Variants in PDE5A observed in about 807,000 individuals in gnomAD.
The protein encoded by PDE5A is phosphodiesterase 5A.
PDE5A carries 67 observed loss-of-function variants against 110.2 expected under a neutral mutation model. The ratio of observed to expected loss-of-function variants is 0.61; its 90% CI spans 0.50 to 0.75. The LOEUF is 0.75. Among genes scored for constraint, PDE5A ranks in the 30% least tolerant of loss-of-function variants. The pLI is 0.00. For synonymous variants in PDE5A, 328 were observed against 351.2 expected (o/e 0.93, Z 0.74); for missense variants, 862 against 1,045.1 (o/e 0.82, Z 2.42).
intron 3 of PDE5A, among the ~76,000 whole-genome samples, chr4:119,569,492 T>C (rs915809773): frequency 6.7e-6 from 1 of 149,644 alleles, no homozygotes; most frequent in East Asian, 2.0e-4. Flanking sequence ...TTTGTACCAA[T>C]AAATAAAGAA....
chr4:119,585,076 C>A (rs972321431), intron 3 of PDE5A, among the ~76,000 whole-genome samples: 4 of 152,106 alleles, frequency 2.6e-5, no homozygotes, highest in African/African-American at 4.8e-5. Context: ...GAGTTTGAGA[C>A]CTGCCTGGCC....
At chr4:119,504,750 G>C (rs1277282559) in intron 17 of PDE5A, 151 bp from the exon 18 acceptor site, 1 of 530,346 alleles carries the variant, frequency 1.9e-6, no homozygotes, top group African/African-American at 1.9e-5. Context: ...CAATTTATAT[G>C]AAAGTCTAAC....
chr4:119,574,707 G>A (rs766500695), intron 3 of PDE5A, among the ~76,000 whole-genome samples: 13 of 151,968 alleles, frequency 8.6e-5, no homozygotes, highest in Non-Finnish European at 1.3e-4. Context: ...TATAAGTCTC[G>A]TAACAAGTTT....
At chr4:119,547,598 T>C (rs1345323306) in intron 9 of PDE5A, among the ~76,000 whole-genome samples, 1 of 152,030 alleles carries the variant, frequency 6.6e-6, no homozygotes, top group Non-Finnish European at 1.5e-5. Context: ...TTCCTCTGAG[T>C]ATAGCTTTGA....
At chr4:119,615,721 T>C (rs1729919265) in intron 1 of PDE5A, among the ~76,000 whole-genome samples, 3 of 152,170 alleles carry the variant, frequency 2.0e-5, no homozygotes, top group Admixed American at 6.5e-5. Flanking sequence ...TCTGTAGCTT[T>C]TACCACAAGT....
At position 119,627,404 on chromosome 4, in the gene PDE5A, GACCCGGGCGTCGA is replaced by G. The variant is rs1730396292; in HGVS notation, c.152+1103_152+1115del. ...GCCGCGGCCGCGCGCCGGCGAGTGG[GACCCGGGCGTCGA>G]ACCCGGGCGGGCTCCTCGACCATCA... On this transcript the variant is annotated intron_variant, in intron 1 of 20. Transcript: ENST00000354960. This position sits in a 1 kb window ranked among gnomAD's most constrained non-coding sequence, Gnocchi z 4.6. The G allele has an allele frequency of 3.1e-6, 2 of 655,288 alleles. No homozygotes were observed. The highest frequency in any genetic ancestry group is 6.2e-5 in the Admixed American group (1 of 16,002). The allele number at this position is 655,288 out of a possible 1,614,324, so 40.6% of individuals were successfully genotyped here.
chr4:119,562,709 A>T, intron 6 of PDE5A, 124 bp downstream of exon 6: 2 of 671,942 alleles, frequency 3.0e-6, no homozygotes, highest in Non-Finnish European at 4.8e-6. Context: ...AGTTTTATAT[A>T]CATATTCATA....
At chr4:119,532,499 A>G (rs1726579521) in intron 11 of PDE5A, among the ~76,000 whole-genome samples, 1 of 151,936 alleles carries the variant, frequency 6.6e-6, no homozygotes, top group South Asian at 2.1e-4. Context: ...TCAACTTTTT[A>G]TCATTATAAT....
At position 119,525,973 on chromosome 4, in the gene PDE5A, A is replaced by G. The variant is rs894673998; in HGVS notation, c.1633-278T>C. 2.0e-5 allele frequency among the ~76,000 whole-genome samples: 3 copies of G among 151,940 alleles called. No homozygotes were observed. Among genetic ancestry groups the G allele is most frequent in the African/African-American group, 7.3e-5 (3 of 41,350 alleles). Reference sequence around the variant, plus strand: ...CCTGGAACAGTGAGCAACACTAAGAACTCCTCTAGTGATCTGGCTCCTTTA... The same window carrying G: ...CCTGGAACAGTGAGCAACACTAAGAGCTCCTCTAGTGATCTGGCTCCTTTA... On this transcript the variant is annotated intron_variant, in intron 11 of 20. Coordinates refer to ENST00000354960, the MANE Select transcript of PDE5A (RefSeq NM_001083.4). The surrounding 1 kb of genome is among the most constrained non-coding windows in gnomAD (Gnocchi z 4.3).
chr4:119,572,781 G>C (rs553190720), intron 3 of PDE5A, among the ~76,000 whole-genome samples: 1 of 151,944 alleles, frequency 6.6e-6, no homozygotes, highest in South Asian at 2.1e-4. Flanking sequence ...GCTGGTCCAG[G>C]CACAAAAGAC....
At chr4:119,605,430 T>C (rs1173807135) in intron 2 of PDE5A, among the ~76,000 whole-genome samples, 3 of 152,094 alleles carry the variant, frequency 2.0e-5, no homozygotes, top group African/African-American at 7.2e-5. Context: ...GAGGATCATC[T>C]GAGGTCAGGA....
chr4:119,611,345 C>CAGT (rs1216636298), intron 1 of PDE5A, among the ~76,000 whole-genome samples: 1 of 152,186 alleles, frequency 6.6e-6, no homozygotes, highest in South Asian at 2.1e-4. Flanking sequence ...TTACCACATA[C>CAGT]AGTAGTAGGT....
intron 2 of PDE5A, among the ~76,000 whole-genome samples, chr4:119,602,037 G>T (rs988450939): frequency 4.6e-5 from 7 of 152,052 alleles, no homozygotes; most frequent in African/African-American, 1.7e-4. Context: ...CTTGGATTGG[G>T]GGAAAATAAC....
chr4:119,606,979 C>G lies in PDE5A; in HGVS notation c.471G>C (p.Lys157Asn), dbSNP rs142085089. Residue 157 changes from lysine to asparagine, a missense_variant, in exon 2 of 21, where the codon AAG becomes AAC. Transcript: ENST00000354960. ...DQCSRLLELVKDISSHLDVTA... is the reference protein window; with the variant it reads ...DQCSRLLELVNDISSHLDVTA... The stretch of plus-strand genomic sequence containing the variant: ...TGACATCCAAATGACTAGAAATATC[C>G]TTCACTAATTCCAAGAGTCTTGAGC... The G allele has an allele frequency of 6.2e-7, 1 of 1,614,164 alleles. No individual in the cohort carries two copies. Among genetic ancestry groups the G allele is most frequent in the Middle Eastern group, 1.6e-4 (1 of 6,062 alleles).
At chr4:119,532,525 A>C (rs1726580561) in intron 11 of PDE5A, among the ~76,000 whole-genome samples, 1 of 152,028 alleles carries the variant, frequency 6.6e-6, no homozygotes, top group East Asian at 1.9e-4. Flanking sequence ...TTCACACAAC[A>C]AAAGGGACAT....
chr4:119,594,139 T>TA (rs916810214), intron 3 of PDE5A, among the ~76,000 whole-genome samples: 26 of 152,050 alleles, frequency 1.7e-4, no homozygotes, highest in African/African-American at 3.6e-4. Context: ...TGTGTTTTTT[T>TA]AATTTTTTAT....
At chr4:119,553,523 G>C (rs1056794492) in intron 8 of PDE5A, 115 bp downstream of exon 8, 4 of 704,944 alleles carry the variant, frequency 5.7e-6, no homozygotes, top group Non-Finnish European at 1.0e-5. Flanking sequence ...GGAAAGCACA[G>C]ATCATTCCTA....
At chr4:119,589,495 T>C (rs1000404966) in intron 3 of PDE5A, among the ~76,000 whole-genome samples, 1 of 152,178 alleles carries the variant, frequency 6.6e-6, no homozygotes, top group Non-Finnish European at 1.5e-5. Flanking sequence ...TTCTGTCTGG[T>C]TATAGAAATA....
At chr4:119,534,505 G>A (rs187944896) in intron 11 of PDE5A, among the ~76,000 whole-genome samples, 51 of 151,908 alleles carry the variant, frequency 3.4e-4, no homozygotes, top group African/African-American at 1.2e-3. Context: ...TCTCCATTCC[G>A]CCCGCCCCCC....
Sources: gnomAD v4.1 joint callset for allele counts (sites outside exome capture counted in the v4.1 genomes callset) on GRCh38, gnomAD v4.1.1 for gene constraint, Gnocchi (gnomAD v3.1) non-coding constraint, MANE v1.5 for transcripts, NCBI Gene and HGNC (gene_info 2026-07-23, HGNC 2026-07-21) for gene names.